PLD5: variants seen among roughly 807,000 people sequenced by gnomAD.
PLD5 encodes inactive phospholipase D5.
A neutral mutation model predicts 61.1 loss-of-function variants in PLD5; 36 were observed. That is an observed-to-expected ratio of 0.59 (90% CI 0.45 to 0.78). The LOEUF (loss-of-function observed/expected upper bound fraction) is 0.78. PLD5 is among the 30% of genes least tolerant of loss of function. The pLI is 0.00. For synonymous variants in PLD5, 243 were observed against 242.8 expected, an observed-to-expected ratio of 1.00 and a Z score of -0.01; for missense variants, 515 against 644.4, an observed-to-expected ratio of 0.80 and a Z score of 2.17.
chr1:242,421,446 A>G lies in PLD5; in HGVS notation c.190-73204T>C, dbSNP rs77466541. ...GAAAGCACTGGAGCAGAGAAGGTCA[A>G]TCTGAACCTTGTAATCACAACAAAC... On this transcript the variant is annotated intron_variant, in intron 1 of 9. Transcript: ENST00000536534. Among the ~76,000 whole-genome samples, 406 of 152,348 alleles carry G rather than the reference A, an allele frequency of 2.7e-3. 7 individuals are homozygous for G. The highest frequency in any genetic ancestry group is 9.1e-3 in the African/African-American group (380 of 41,582).
intron 1 of PLD5, chr1:242,377,219 G>A (rs1394117892): frequency 6.2e-7 from 1 of 1,611,498 alleles, no homozygotes; most frequent in Non-Finnish European, 8.5e-7. Flanking sequence ...CCCGGCACTG[G>A]TAGGAAGAAC....
At chr1:242,523,620 G>C (rs1367674238) in intron 1 of PLD5, among the ~76,000 whole-genome samples, 1 of 152,176 alleles carries the variant, frequency 6.6e-6, no homozygotes, top group East Asian at 1.9e-4. Context: ...TTGTGCGCGG[G>C]TCCACGCTGG....
chr1:242,207,147 C>A (rs1669369748), intron 5 of PLD5, among the ~76,000 whole-genome samples: 1 of 152,154 alleles, frequency 6.6e-6, no homozygotes, highest in African/African-American at 2.4e-5. Context: ...TGAATCACAT[C>A]TAGAAAATAC....
intron 1 of PLD5, among the ~76,000 whole-genome samples, chr1:242,467,965 C>A (rs908609965): frequency 2.0e-5 from 3 of 152,048 alleles, no homozygotes; most frequent in Non-Finnish European, 4.4e-5. Flanking sequence ...CCTACAATCT[C>A]TTGGCAGAAT....
At chr1:242,225,208 G>C (rs1670854711) in intron 4 of PLD5, among the ~76,000 whole-genome samples, 1 of 151,916 alleles carries the variant, frequency 6.6e-6, no homozygotes, top group African/African-American at 2.4e-5. Context: ...GCGCATGTGA[G>C]ACCCATTCAT....
chr1:242,208,170 C>T (rs997515250), intron 5 of PLD5, among the ~76,000 whole-genome samples: 1 of 151,226 alleles, frequency 6.6e-6, no homozygotes, highest in Admixed American at 6.6e-5. Flanking sequence ...TATAGGCACA[C>T]ACCACCACAC....
chr1:242,148,180 T>A (rs1219518858), intron 5 of PLD5, among the ~76,000 whole-genome samples: 1 of 151,654 alleles, frequency 6.6e-6, no homozygotes, highest in Non-Finnish European at 1.5e-5. Flanking sequence ...ATGGTCCATT[T>A]TGAATCGATT....
At chr1:242,502,664 T>C (rs1439275852) in intron 1 of PLD5, among the ~76,000 whole-genome samples, 2 of 152,038 alleles carry the variant, frequency 1.3e-5, no homozygotes, top group Non-Finnish European at 2.9e-5. Context: ...CATGTATGTG[T>C]GTATGTGCGT....
intron 1 of PLD5, among the ~76,000 whole-genome samples, chr1:242,460,323 C>A (rs947633245): frequency 6.6e-6 from 1 of 152,094 alleles, no homozygotes; most frequent in Non-Finnish European, 1.5e-5. Flanking sequence ...GAGGTGGTGA[C>A]CCCCCTGGAC....
At chr1:242,217,677 G>A (rs920833920) in intron 5 of PLD5, among the ~76,000 whole-genome samples, 2 of 152,126 alleles carry the variant, frequency 1.3e-5, no homozygotes, top group African/African-American at 2.4e-5. Flanking sequence ...CAACATTAAC[G>A]GGAGTTTGGA....
chr1:242,145,170 G>A (rs2840607), intron 5 of PLD5, among the ~76,000 whole-genome samples: 89,755 of 151,412 alleles, frequency 0.59, 27,235 homozygotes, highest in African/African-American at 0.71. Context: ...ACCCTCAGCC[G>A]CTATGCTCTG....
chr1:242,308,984 T>C (rs1676536305), intron 2 of PLD5, among the ~76,000 whole-genome samples: 2 of 151,846 alleles, frequency 1.3e-5, no homozygotes, highest in Admixed American at 1.3e-4. Context: ...GGGGAGAAAG[T>C]GGAGCGGGGA....
intron 4 of PLD5, among the ~76,000 whole-genome samples, chr1:242,228,710 G>A (rs142819847): frequency 6.6e-6 from 1 of 151,848 alleles, no homozygotes; most frequent in African/African-American, 2.4e-5. Flanking sequence ...AGGAAGGAGA[G>A]AGAGAGAGGA....
chr1:242,193,752 C>T (rs1332583346), intron 5 of PLD5, among the ~76,000 whole-genome samples: 4 of 152,188 alleles, frequency 2.6e-5, no homozygotes, highest in Non-Finnish European at 5.9e-5. Flanking sequence ...ATTCAGTGTT[C>T]CTGGATCTCA....
chr1:242,151,269 C>G (rs1486313181), intron 5 of PLD5, among the ~76,000 whole-genome samples: 1 of 151,870 alleles, frequency 6.6e-6, no homozygotes, highest in African/African-American at 2.4e-5. Flanking sequence ...ATTCAAGCTT[C>G]TTTCTGTGAT....
At chr1:242,206,765 G>C (rs905472229) in intron 5 of PLD5, among the ~76,000 whole-genome samples, 1 of 152,170 alleles carries the variant, frequency 6.6e-6, no homozygotes, top group Admixed American at 6.5e-5. Context: ...GGAAGAGGAT[G>C]GGTTGGCATT....
intron 2 of PLD5, among the ~76,000 whole-genome samples, chr1:242,320,378 G>A (rs1276462691): frequency 1.3e-5 from 2 of 152,196 alleles, no homozygotes; most frequent in African/African-American, 4.8e-5. Flanking sequence ...ATGGTTAGCT[G>A]ATGCCATGAA....
At chr1:242,104,575 C>G (rs1022904222) in intron 8 of PLD5, among the ~76,000 whole-genome samples, 7 of 152,134 alleles carry the variant, frequency 4.6e-5, no homozygotes, top group Non-Finnish European at 1.0e-4. Flanking sequence ...TGAGTCTTGC[C>G]CCATTACTCA....
intron 3 of PLD5, among the ~76,000 whole-genome samples, chr1:242,278,149 G>A (rs1245553848): frequency 1.3e-5 from 2 of 151,728 alleles, no homozygotes; most frequent in Non-Finnish European, 2.9e-5. Flanking sequence ...TTTTGATCGT[G>A]AGAGGTTCTT....
Sources: gnomAD v4.1 joint callset for allele counts (sites outside exome capture counted in the v4.1 genomes callset) on GRCh38, gnomAD v4.1.1 for gene constraint, MANE v1.5 for transcripts, NCBI Gene and HGNC (gene_info 2026-07-23, HGNC 2026-07-21) for gene names.